HNRNPC: variants seen among roughly 807,000 people sequenced by gnomAD.
HNRNPC encodes heterogeneous nuclear ribonucleoproteins C1/C2.
A neutral mutation model predicts 33.2 loss-of-function variants in HNRNPC; 3 were observed. The observed-to-expected ratio is 0.09, with a 90% CI of 0.04 to 0.23. The LOEUF is 0.23. HNRNPC is among the 10% of genes least tolerant of loss of function. The pLI, the probability that HNRNPC is intolerant of heterozygous loss-of-function variation, is 1.00. For missense variants in HNRNPC, 143 were observed against 366.7 expected, an observed-to-expected ratio of 0.39 and a Z score of 4.98; for synonymous variants, 121 against 126.7, an observed-to-expected ratio of 0.96 and a Z score of 0.30.
At chr14:21,255,340 A>G (rs1346761643) in intron 2 of HNRNPC, among the ~76,000 whole-genome samples, 1 of 152,220 alleles carries the variant, frequency 6.6e-6, no homozygotes, top group Non-Finnish European at 1.5e-5. Context: ...AGTCAGAATC[A>G]GATTAGGTAG....
At chr14:21,252,018 G>C (rs541478351) in intron 2 of HNRNPC, among the ~76,000 whole-genome samples, 57 of 152,240 alleles carry the variant, frequency 3.7e-4, no homozygotes, top group African/African-American at 1.3e-3. Context: ...AGTTATTACA[G>C]TATTCTCTTA....
chr14:21,266,738 TAATA>T (rs1313865398), intron 1 of HNRNPC, among the ~76,000 whole-genome samples: 6 of 150,950 alleles, frequency 4.0e-5, no homozygotes, highest in African/African-American at 1.2e-4. Context: ...AGACAACTAC[TAATA>T]AAGTACTTGA....
In HNRNPC at chr14:21,224,055, C is replaced by G. The variant is rs148151209; in HGVS notation, c.365+6264G>C. ...CCCCAGTTTTCAAACTTCAAATAAC[C>G]TAAGTATTTTGGCACTCTCTCCCTT... On this transcript the variant is annotated intron_variant, in intron 5 of 8. Coordinates refer to ENST00000553300, the MANE Select transcript of HNRNPC (RefSeq NM_004500.4). Among the ~76,000 whole-genome samples the G allele has an allele frequency of 3.1e-3, 467 of 152,156 alleles. 3 individuals carry two copies. Among genetic ancestry groups the G allele is most frequent in the Non-Finnish European group, 4.8e-3 (325 of 68,006 alleles).
intron 2 of HNRNPC, among the ~76,000 whole-genome samples, chr14:21,237,386 G>GT (rs1291084625): frequency 6.6e-6 from 1 of 152,160 alleles, no homozygotes; most frequent in Admixed American, 6.5e-5. Context: ...AAATTTATCT[G>GT]TTTAAGAATC....
At chr14:21,261,121 C>T (rs1878170357) in intron 2 of HNRNPC, among the ~76,000 whole-genome samples, 1 of 152,084 alleles carries the variant, frequency 6.6e-6, no homozygotes, top group South Asian at 2.1e-4. Context: ...CAGGCAGGTA[C>T]CAACGCCCCC....
intron 2 of HNRNPC, among the ~76,000 whole-genome samples, chr14:21,243,114 G>A (rs1156848480): frequency 6.6e-6 from 1 of 152,140 alleles, no homozygotes; most frequent in African/African-American, 2.4e-5. Context: ...GAGAGGTGGG[G>A]GGGTGGGCAG....
intron 1 of HNRNPC, chr14:21,265,374 T>C (rs1398793117): frequency 6.6e-6 from 1 of 151,920 alleles, no homozygotes; most frequent in Non-Finnish European, 1.5e-5. Flanking sequence ...GACATAAGCT[T>C]AAAAATAAAG....
chr14:21,264,466 G>A (rs1419407129), intron 1 of HNRNPC: 1 of 152,102 alleles, frequency 6.6e-6, no homozygotes, highest in Non-Finnish European at 1.5e-5. Context: ...TAAAATAGGT[G>A]AAAAAAATTA....
intron 2 of HNRNPC, among the ~76,000 whole-genome samples, chr14:21,251,032 C>T (rs755290129): frequency 1.3e-5 from 2 of 152,086 alleles, no homozygotes; most frequent in South Asian, 2.1e-4. Context: ...GAGGCCGAGG[C>T]GGGTAGATCA....
At chr14:21,219,524 TACTTCA>T (rs1892596950) in intron 5 of HNRNPC, among the ~76,000 whole-genome samples, 1 of 152,246 alleles carries the variant, frequency 6.6e-6, no homozygotes, top group Non-Finnish European at 1.5e-5. Context: ...ATTCTCATAC[TACTTCA>T]ACTATTAGTG....
At chr14:21,226,525 A>C (rs1384724965) in intron 5 of HNRNPC, among the ~76,000 whole-genome samples, 1 of 151,572 alleles carries the variant, frequency 6.6e-6, no homozygotes, top group African/African-American at 2.4e-5. Flanking sequence ...TTTTATTACA[A>C]CACCTTTCGC....
At chr14:21,245,745 T>G (rs547900058) in intron 2 of HNRNPC, among the ~76,000 whole-genome samples, 1 of 152,182 alleles carries the variant, frequency 6.6e-6, no homozygotes, top group Non-Finnish European at 1.5e-5. Flanking sequence ...CATTTTTACT[T>G]TGAAAAAACT....
At chr14:21,264,950 G>C (rs952279870) in intron 1 of HNRNPC, 1 of 152,158 alleles carries the variant, frequency 6.6e-6, no homozygotes, top group Non-Finnish European at 1.5e-5. Context: ...CCAGGAGTTC[G>C]AGGCTGCAGT....
At chr14:21,249,890 T>C (rs947039971) in intron 2 of HNRNPC, among the ~76,000 whole-genome samples, 4 of 152,194 alleles carry the variant, frequency 2.6e-5, no homozygotes, top group African/African-American at 9.7e-5. Flanking sequence ...TTTTAAAGAA[T>C]GCTTTACCTA....
chr14:21,252,606 C>T (rs560218723), intron 2 of HNRNPC, among the ~76,000 whole-genome samples: 110 of 152,258 alleles, frequency 7.2e-4, no homozygotes, highest in Non-Finnish European at 1.3e-3. Context: ...AGCCACCATG[C>T]CAGGCCTCTA....
At chr14:21,216,462 C>T (rs775524765) in intron 5 of HNRNPC, among the ~76,000 whole-genome samples, 3 of 152,168 alleles carry the variant, frequency 2.0e-5, no homozygotes, top group Non-Finnish European at 4.4e-5. Context: ...AATCCCAGCA[C>T]TTTGGGAGGC....
chr14:21,251,057 C>G (rs1356297402), intron 2 of HNRNPC, among the ~76,000 whole-genome samples: 2 of 151,994 alleles, frequency 1.3e-5, no homozygotes, highest in Non-Finnish European at 2.9e-5. Flanking sequence ...GTCAGGAGAT[C>G]GAGACCGTCC....
At chr14:21,261,676 G>T (rs921140046) in intron 2 of HNRNPC, among the ~76,000 whole-genome samples, 1 of 152,130 alleles carries the variant, frequency 6.6e-6, no homozygotes, top group Non-Finnish European at 1.5e-5. Flanking sequence ...CAGGAGGATC[G>T]CTTGAGCCCA....
chr14:21,237,000 A>C, intron 2 of HNRNPC, among the ~76,000 whole-genome samples: 1 of 152,244 alleles, frequency 6.6e-6, no homozygotes, highest in South Asian at 2.1e-4. Flanking sequence ...AAGAATACCA[A>C]AATAACCAGC....
Sources: allele counts gnomAD v4.1 joint callset (sites outside exome capture counted in the v4.1 genomes callset), GRCh38; gene constraint gnomAD v4.1.1; transcripts MANE v1.5; gene names NCBI Gene and HGNC (gene_info 2026-07-23, HGNC 2026-07-21).